The following PHLPP1 variants were observed in gnomAD, a reference collection of about 807,000 sequenced individuals.
The protein encoded by PHLPP1 is PH domain and leucine rich repeat protein phosphatase 1.
PHLPP1 carries 42 observed loss-of-function variants against 117.2 expected under a neutral mutation model. The ratio of observed to expected loss-of-function variants is 0.36; its 90% CI spans 0.28 to 0.46. The LOEUF is 0.46. PHLPP1 is among the 20% of genes least tolerant of loss of function. The pLI, the probability that PHLPP1 is intolerant of heterozygous loss-of-function variation, is 1.00. For missense variants in PHLPP1, 2,084 were observed against 2,241.9 expected, an observed-to-expected ratio of 0.93 and a Z score of 1.42; for synonymous variants, 1,042 against 970.7, an observed-to-expected ratio of 1.07 and a Z score of -1.37.
chr18:62,859,239 T>G (rs1193081870), intron 3 of PHLPP1, among the ~76,000 whole-genome samples: 1 of 152,150 alleles, frequency 6.6e-6, no homozygotes, highest in African/African-American at 2.4e-5. Flanking sequence ...AACCAAGATG[T>G]GTGGAGGTGG....
Position 62,963,375 on chromosome 18 carries a change from C to T in PHLPP1, c.3463C>T (p.Arg1155Cys), listed in dbSNP as rs1324335048. 9.3e-6 allele frequency: 15 copies of T among 1,609,442 alleles called. No homozygotes were observed. The Admixed American group carries it at 1.0e-4, about 11-fold the overall frequency. ...CCCTGTTTCTCTTGTTAGTAATATC[C>T]GCTGTTTCAAGATTGATCAGCCTTC... ...HKTLELLNNI[R>C]CFKIDQPSTG... Residue 1155 changes from arginine (R) to cysteine (C), a missense_variant, in exon 14 of 17, where the codon CGC becomes TGC. This residue lies in a region of PHLPP1 where 1,365 missense variants were observed against 1,605.9 expected (regional missense o/e 0.85). Coordinates refer to ENST00000262719, the MANE Select transcript of PHLPP1 (RefSeq NM_194449.4).
chr18:62,946,365 A>G (rs1423735401), intron 12 of PHLPP1, among the ~76,000 whole-genome samples: 2 of 152,170 alleles, frequency 1.3e-5, no homozygotes, highest in Non-Finnish European at 2.9e-5. Flanking sequence ...TTCCGGGTTC[A>G]AGCGATTCGC....
intron 1 of PHLPP1, among the ~76,000 whole-genome samples, chr18:62,733,215 G>A (rs897619821): frequency 4.6e-5 from 7 of 152,292 alleles, no homozygotes; most frequent in African/African-American, 1.7e-4. Flanking sequence ...AATTGCCACA[G>A]CCACTCCAAT....
intron 12 of PHLPP1, among the ~76,000 whole-genome samples, chr18:62,947,533 A>G (rs1360362676): frequency 1.3e-5 from 2 of 152,216 alleles, no homozygotes; most frequent in East Asian, 1.9e-4. Flanking sequence ...GTGCTGTGCC[A>G]TCTTTTACTG....
At chr18:62,951,135 C>G (rs1341930359) in intron 12 of PHLPP1, among the ~76,000 whole-genome samples, 1 of 152,136 alleles carries the variant, frequency 6.6e-6, no homozygotes, top group Non-Finnish European at 1.5e-5. Context: ...GTGCCCGCCA[C>G]CACGCCCGGC....
At chr18:62,918,104 G>T (rs530546047) in intron 9 of PHLPP1, among the ~76,000 whole-genome samples, 1 of 151,630 alleles carries the variant, frequency 6.6e-6, no homozygotes, top group African/African-American at 2.4e-5. Flanking sequence ...TACTCTGGAG[G>T]CTGAGGCAGG....
intron 12 of PHLPP1, among the ~76,000 whole-genome samples, chr18:62,957,996 CTG>C (rs1371498599): frequency 6.6e-6 from 1 of 152,216 alleles, no homozygotes; most frequent in East Asian, 1.9e-4. Flanking sequence ...ATGTGAGCCA[CTG>C]TGCCCGGTGC....
chr18:62,821,936 A>T (rs558126911), intron 1 of PHLPP1, among the ~76,000 whole-genome samples: 40 of 151,892 alleles, frequency 2.6e-4, no homozygotes, highest in East Asian at 1.6e-3. Flanking sequence ...ACAAAAAAAA[A>T]TTTTTTTTAA....
chr18:62,827,846 A>T (rs187134972), intron 1 of PHLPP1, among the ~76,000 whole-genome samples: 199 of 152,204 alleles, frequency 1.3e-3, no homozygotes, highest in Non-Finnish European at 2.4e-3. Flanking sequence ...TTTCTGTAGG[A>T]TGTATATGGA....
chr18:62,846,040 C>T (rs927245400), intron 3 of PHLPP1, among the ~76,000 whole-genome samples: 2 of 151,662 alleles, frequency 1.3e-5, no homozygotes, highest in African/African-American at 2.4e-5. Context: ...CCCGTCTCCA[C>T]TAAAAATACA....
At chr18:62,796,152 ATTTTG>A (rs1386564248) in intron 1 of PHLPP1, among the ~76,000 whole-genome samples, 1 of 152,216 alleles carries the variant, frequency 6.6e-6, no homozygotes, top group Non-Finnish European at 1.5e-5. Context: ...GTGATAATGG[ATTTTG>A]TTGAAGTACC....
At chr18:62,929,462 A>G (rs762465487) in intron 10 of PHLPP1, among the ~76,000 whole-genome samples, 1 of 152,202 alleles carries the variant, frequency 6.6e-6, no homozygotes, top group Non-Finnish European at 1.5e-5. Flanking sequence ...GACATGGAAC[A>G]TTTCTGTCCA....
intron 12 of PHLPP1, among the ~76,000 whole-genome samples, chr18:62,948,125 T>C (rs1910352703): frequency 6.6e-6 from 1 of 151,994 alleles, no homozygotes; most frequent in Non-Finnish European, 1.5e-5. Flanking sequence ...AGGCTTTTGA[T>C]ACCAGCCTCA....
At chr18:62,936,173 A>G (rs1195310727) in intron 10 of PHLPP1, among the ~76,000 whole-genome samples, 3 of 152,202 alleles carry the variant, frequency 2.0e-5, no homozygotes, top group Non-Finnish European at 4.4e-5. Flanking sequence ...ATGTCAAAGG[A>G]TGCGTGAGTC....
rs1910702086 is a variant in PHLPP1 at position 62,715,779 on chromosome 18, AGCAGCAGCGGCGGCCGCGGCGGCTCTG to A, written c.99_125del (p.Ala37_Ala45del). 1.3e-6 allele frequency: 1 copy of A among 745,356 alleles called. No homozygotes were observed. The highest frequency in any genetic ancestry group is 1.7e-6 in the Non-Finnish European group (1 of 604,342). The allele number at this position is 745,356 out of a possible 1,614,324, so 46.2% of individuals were successfully genotyped here. ...CGGCGGCCGCCGCTGCGGCAGCAGC[AGCAGCAGCGGCGGCCGCGGCGGCTCTG>A]GCGGCGGCGGCCGGGGGCGGCCGGA... On this transcript the variant is annotated inframe_deletion, in exon 1 of 17. Transcript: ENST00000262719.
chr18:62,836,148 A>C (rs985053251), intron 2 of PHLPP1, among the ~76,000 whole-genome samples: 1 of 151,750 alleles, frequency 6.6e-6, no homozygotes, highest in Non-Finnish European at 1.5e-5. Flanking sequence ...AAATTAATTA[A>C]TTAAAAGGCT....
At chr18:62,773,505 G>A (rs538115536) in intron 1 of PHLPP1, among the ~76,000 whole-genome samples, 18 of 152,236 alleles carry the variant, frequency 1.2e-4, no homozygotes, top group Admixed American at 8.5e-4. Flanking sequence ...CTTGTTGTTC[G>A]TTTGTGTGTT....
At chr18:62,734,134 C>T (rs1292092027) in intron 1 of PHLPP1, among the ~76,000 whole-genome samples, 1 of 151,816 alleles carries the variant, frequency 6.6e-6, no homozygotes, top group Non-Finnish European at 1.5e-5. Context: ...TTTTTTAAGG[C>T]CTATGAGGTT....
intron 1 of PHLPP1, among the ~76,000 whole-genome samples, chr18:62,751,523 A>G (rs1041282567): frequency 2.6e-5 from 4 of 152,208 alleles, no homozygotes; most frequent in Admixed American, 6.5e-5. Flanking sequence ...AAAGGCTTTC[A>G]TTTGTATGCT....
Sources: gnomAD v4.1 joint callset for allele counts (sites outside exome capture counted in the v4.1 genomes callset) on GRCh38, gnomAD v4.1.1 for gene constraint, gnomAD v4.1.1 regional missense constraint, MANE v1.5 for transcripts, NCBI Gene and HGNC (gene_info 2026-07-23, HGNC 2026-07-21) for gene names.